Variants in PARP8 observed in about 807,000 individuals in gnomAD.
PARP8 encodes the protein poly(ADP-ribose) polymerase family member 8.
In PARP8, 51 loss-of-function variants were observed where a neutral mutation model predicts 124.1. The observed-to-expected ratio is 0.41, with a 90% CI of 0.33 to 0.52. The LOEUF (loss-of-function observed/expected upper bound fraction) is 0.52, where lower values mean the gene tolerates loss of function less well. PARP8 is among the 20% of genes least tolerant of loss of function. The pLI, the probability that PARP8 is intolerant of heterozygous loss-of-function variation, is 0.21. For missense variants in PARP8, 860 were observed against 1,018.9 expected (o/e 0.84, Z 2.12); for synonymous variants, 391 against 361.5 (o/e 1.08, Z -0.93).
At position 50,832,770 on chromosome 5, in the gene PARP8, G is replaced by A. The variant is rs757201908; in HGVS notation, c.2234-11G>A. The stretch of plus-strand genomic sequence containing the variant: ...TTTGTCCCTAAATTATTATTTTGCC[G>A]ATGTTTTCAGGGATGAACAAGAAAC... On this transcript the variant is annotated splice_polypyrimidine_tract_variant and intron_variant, in intron 22 of 25. Transcript: ENST00000281631. The A allele has an allele frequency of 1.1e-5, 18 of 1,612,838 alleles. No homozygotes were observed. The highest frequency in any genetic ancestry group is 5.5e-5 in the South Asian group (5 of 91,054).
At chr5:50,817,169 T>C (rs1396816885) in intron 15 of PARP8, among the ~76,000 whole-genome samples, 1 of 152,194 alleles carries the variant, frequency 6.6e-6, no homozygotes, top group African/African-American at 2.4e-5. Context: ...GTTGATAGAA[T>C]AATAGTTGGC....
intron 2 of PARP8, chr5:50,741,874 A>G (rs1758079506): frequency 2.3e-6 from 1 of 434,658 alleles, no homozygotes; most frequent in African/African-American, 2.1e-5. Context: ...CAATAGCGCG[A>G]TCTCAGCTCA....
At chr5:50,814,494 A>T (rs1294369559) in intron 14 of PARP8, among the ~76,000 whole-genome samples, 1 of 152,158 alleles carries the variant, frequency 6.6e-6, no homozygotes, top group South Asian at 2.1e-4. Context: ...CAAAGGAAAT[A>T]TATAGATTCA....
chr5:50,713,883 A>G (rs1755032583), intron 2 of PARP8, among the ~76,000 whole-genome samples: 1 of 151,918 alleles, frequency 6.6e-6, no homozygotes, highest in Non-Finnish European at 1.5e-5. Flanking sequence ...TGAGGCAAGG[A>G]ATGTGGGCAG....
intron 10 of PARP8, among the ~76,000 whole-genome samples, chr5:50,793,642 T>G (rs1357197015): frequency 2.6e-5 from 4 of 152,232 alleles, no homozygotes; most frequent in Admixed American, 2.6e-4. Flanking sequence ...TATAATTTGC[T>G]GACCACATAT....
intron 2 of PARP8, among the ~76,000 whole-genome samples, chr5:50,715,683 A>C (rs1580071701): frequency 6.6e-6 from 1 of 152,102 alleles, no homozygotes; most frequent in Admixed American, 6.6e-5. Flanking sequence ...TATTGAGAGA[A>C]TATAAAAAAC....
intron 14 of PARP8, 147 bp downstream of exon 14, chr5:50,797,380 G>C: frequency 1.7e-6 from 1 of 578,538 alleles, no homozygotes; most frequent in Non-Finnish European, 2.9e-6. Context: ...TGACAAAATA[G>C]TATTACTTCT....
chr5:50,809,793 A>G (rs1580416273), intron 14 of PARP8, among the ~76,000 whole-genome samples: 1 of 151,896 alleles, frequency 6.6e-6, no homozygotes, highest in South Asian at 2.1e-4. Flanking sequence ...ACTCATCTAC[A>G]CCATGCTTTT....
chr5:50,754,087 CAGTGAAGGAA>C (rs1759555549), intron 3 of PARP8, among the ~76,000 whole-genome samples: 1 of 128,294 alleles, frequency 7.8e-6, no homozygotes, highest in African/African-American at 3.2e-5. Context: ...TGGAGAATTC[CAGTGAAGGAA>C]TTTGAGTTTG....
At chr5:50,839,234 C>G (rs1004433199) in intron 25 of PARP8, among the ~76,000 whole-genome samples, 1 of 151,900 alleles carries the variant, frequency 6.6e-6, no homozygotes, top group Non-Finnish European at 1.5e-5. Flanking sequence ...TTTTACACTC[C>G]TGGGAATATG....
intron 2 of PARP8, among the ~76,000 whole-genome samples, chr5:50,746,750 A>G (rs768350388): frequency 3.7e-4 from 56 of 152,196 alleles, no homozygotes; most frequent in Non-Finnish European, 3.8e-4. Flanking sequence ...TCCTTGAATT[A>G]AAACTGGGAT....
chr5:50,759,834 T>G, intron 4 of PARP8, 102 bp downstream of exon 4: 1 of 1,280,088 alleles, frequency 7.8e-7, no homozygotes, highest in Non-Finnish European at 1.0e-6. Flanking sequence ...GATATTTATC[T>G]TCTGTGTCTA....
chr5:50,787,033 T>A (rs1426646107), intron 9 of PARP8, among the ~76,000 whole-genome samples: 2 of 152,204 alleles, frequency 1.3e-5, no homozygotes, highest in African/African-American at 2.4e-5. Flanking sequence ...TCCTGCAGTC[T>A]TTCACATTGT....
intron 2 of PARP8, among the ~76,000 whole-genome samples, chr5:50,740,755 G>A (rs182521983): frequency 1.6e-4 from 24 of 151,680 alleles, no homozygotes; most frequent in Non-Finnish European, 2.2e-4. Context: ...CGAGGCTGCA[G>A]TGAACCGTGA....
At chr5:50,836,128 T>C (rs1747553998) in intron 25 of PARP8, among the ~76,000 whole-genome samples, 1 of 152,184 alleles carries the variant, frequency 6.6e-6, no homozygotes, top group South Asian at 2.1e-4. Context: ...TGGTTTTCTT[T>C]TGGATGATTT....
intron 2 of PARP8, among the ~76,000 whole-genome samples, chr5:50,688,416 A>G (rs1752111217): frequency 1.3e-5 from 2 of 152,254 alleles, no homozygotes; most frequent in South Asian, 4.1e-4. Context: ...CAGGCATTGC[A>G]TAAGAAGAAA....
intron 3 of PARP8, 21 bp from the exon 4 acceptor site, chr5:50,759,622 C>CTTTTTTTTTTTTTTT: frequency 7.5e-7 from 1 of 1,326,272 alleles, no homozygotes; most frequent in Non-Finnish European, 9.8e-7. Context: ...CTTTCATTAT[C>CTTTTTTTTTTTTTTT]TTTTTTTTTT....
At chr5:50,767,631 T>C (rs1317863908) in intron 7 of PARP8, among the ~76,000 whole-genome samples, 1 of 152,212 alleles carries the variant, frequency 6.6e-6, no homozygotes, top group Non-Finnish European at 1.5e-5. Flanking sequence ...TCCTTTCTTA[T>C]CTGGATCTAA....
At chr5:50,695,982 G>C (rs185224354) in intron 2 of PARP8, among the ~76,000 whole-genome samples, 1 of 152,072 alleles carries the variant, frequency 6.6e-6, no homozygotes. Flanking sequence ...GCTCTTTATT[G>C]TTAGGAATTA....
Sources: allele counts gnomAD v4.1 joint callset (sites outside exome capture counted in the v4.1 genomes callset), GRCh38; gene constraint gnomAD v4.1.1; transcripts MANE v1.5; gene names NCBI Gene and HGNC (gene_info 2026-07-23, HGNC 2026-07-21).